Variants in CDH13 observed in about 807,000 individuals in gnomAD.
The protein encoded by CDH13 is cadherin 13, also known as cadherin-13.
Under a neutral mutation model 63.8 loss-of-function variants are expected in CDH13, and 24 were observed. The observed-to-expected ratio is 0.38, with a 90% confidence interval of 0.27 to 0.53. The LOEUF is 0.53. CDH13 is among the 20% of genes least tolerant of loss of function. The probability of loss-of-function intolerance (pLI) is 0.85; values close to 1 mark genes in which losing one functional copy is unlikely to be tolerated. For missense variants in CDH13, 1,049 were observed against 903.1 expected, an observed-to-expected ratio of 1.16 and a Z score of -2.07; for synonymous variants, 503 against 355.3, an observed-to-expected ratio of 1.42 and a Z score of -4.67.
chr16:82,957,456 G>C (rs1053925237), intron 2 of CDH13, among the ~76,000 whole-genome samples: 1 of 152,164 alleles, frequency 6.6e-6, no homozygotes, highest in East Asian at 1.9e-4. Flanking sequence ...GGAAGTTCAA[G>C]ATAGATAAAG....
At chr16:83,106,137 A>T (rs988320095) in intron 3 of CDH13, among the ~76,000 whole-genome samples, 1 of 152,250 alleles carries the variant, frequency 6.6e-6, no homozygotes, top group Non-Finnish European at 1.5e-5. Flanking sequence ...TTGCTAATCT[A>T]TTCTAAGGAA....
intron 3 of CDH13, among the ~76,000 whole-genome samples, chr16:83,074,262 A>G (rs777327630): frequency 1.3e-5 from 2 of 152,174 alleles, no homozygotes; most frequent in African/African-American, 2.4e-5. Flanking sequence ...TGTGTCTGGC[A>G]TATTTCATTT....
chr16:83,571,081 A>C (rs930203653), intron 7 of CDH13, among the ~76,000 whole-genome samples: 7 of 151,376 alleles, frequency 4.6e-5, no homozygotes, highest in Non-Finnish European at 7.4e-5. Context: ...AAGAAAGCCA[A>C]AACAGACCCC....
intron 10 of CDH13, among the ~76,000 whole-genome samples, chr16:83,713,309 C>A (rs1274532638): frequency 6.6e-6 from 1 of 152,206 alleles, no homozygotes; most frequent in African/African-American, 2.4e-5. Flanking sequence ...AGGGAGCTCA[C>A]CTCATCTTCT....
intron 4 of CDH13, among the ~76,000 whole-genome samples, chr16:83,152,934 A>T (rs2151697736): frequency 6.6e-6 from 1 of 152,302 alleles, no homozygotes; most frequent in South Asian, 2.1e-4. Flanking sequence ...TGAGCAGGAA[A>T]GCAGAGATTG....
rs1021074523 is a variant in CDH13 at position 83,795,172 on chromosome 16, A to G, written c.*142A>G. ...ATTGTTCCGGTTTTTTATTTTCTTT[A>G]CAATTTCACTTAGTCTGTACTTCAT... On this transcript the variant is annotated 3_prime_UTR_variant, in exon 14 of 14. Coordinates refer to ENST00000567109, the MANE Select transcript of CDH13 (RefSeq NM_001257.5). 9.1e-6 allele frequency: 6 copies of G among 656,924 alleles called. No homozygotes were observed. In the African/African-American group the frequency reaches 9.1e-5, roughly 10 times the overall value. The allele number at this position is 656,924 out of a possible 1,614,324, so 40.7% of individuals were successfully genotyped here. A position where few individuals can be genotyped will look rare whatever the true frequency, so the allele number is the denominator to read the frequency against.
intron 2 of CDH13, among the ~76,000 whole-genome samples, chr16:82,868,838 G>A (rs1416126193): frequency 6.6e-6 from 1 of 152,180 alleles, no homozygotes; most frequent in Non-Finnish European, 1.5e-5. Context: ...AGCAGACAGA[G>A]ATGCCACAGT....
chr16:83,050,380 A>T (rs1033795913), intron 3 of CDH13, among the ~76,000 whole-genome samples: 1 of 152,196 alleles, frequency 6.6e-6, no homozygotes, highest in African/African-American at 2.4e-5. Flanking sequence ...ACTGTCTTCT[A>T]CAGCAGCTGA....
intron 13 of CDH13, among the ~76,000 whole-genome samples, chr16:83,786,598 AT>A (rs1915899860): frequency 1.1e-5 from 1 of 90,614 alleles, no homozygotes; most frequent in African/African-American, 4.5e-5. Flanking sequence ...TTATTTATTT[AT>A]TTTTTTGAGA....
At chr16:82,902,045 A>G (rs546238659) in intron 2 of CDH13, among the ~76,000 whole-genome samples, 1 of 152,232 alleles carries the variant, frequency 6.6e-6, no homozygotes, top group Non-Finnish European at 1.5e-5. Flanking sequence ...CAAGACTCAA[A>G]CACAAGTCTG....
At chr16:82,809,952 T>C (rs2037359696) in intron 1 of CDH13, among the ~76,000 whole-genome samples, 1 of 152,182 alleles carries the variant, frequency 6.6e-6, no homozygotes, top group Non-Finnish European at 1.5e-5. Context: ...TAGACTTGCT[T>C]TTAAAACATG....
intron 3 of CDH13, among the ~76,000 whole-genome samples, chr16:83,106,336 G>A (rs779858994): frequency 2.6e-5 from 4 of 152,080 alleles, no homozygotes; most frequent in Non-Finnish European, 4.4e-5. Context: ...TCAGGAGTTC[G>A]AGACGAGCCT....
chr16:83,181,563 C>G (rs1474352317), intron 4 of CDH13, among the ~76,000 whole-genome samples: 3 of 152,144 alleles, frequency 2.0e-5, no homozygotes, highest in Non-Finnish European at 4.4e-5. Flanking sequence ...TGTACATGAG[C>G]TAGAATCTTA....
intron 6 of CDH13, among the ~76,000 whole-genome samples, chr16:83,391,041 G>C (rs1449689472): frequency 1.3e-5 from 2 of 152,106 alleles, no homozygotes; most frequent in Non-Finnish European, 2.9e-5. Context: ...AGTATCTACT[G>C]GTGGGTTGAA....
intron 1 of CDH13, among the ~76,000 whole-genome samples, chr16:82,738,073 C>A (rs1392442065): frequency 6.6e-6 from 1 of 152,216 alleles, no homozygotes; most frequent in Non-Finnish European, 1.5e-5. Flanking sequence ...ACCTCTAGAG[C>A]TTACTGATCT....
In CDH13 at chr16:83,528,472, A is replaced by G. The variant is rs540713269; in HGVS notation, c.960+41817A>G. Among the ~76,000 whole-genome samples the G allele has an allele frequency of 2.0e-4, 31 of 152,298 alleles. 1 individual carries two copies. The South Asian group carries it at 6.4e-3, about 32-fold the overall frequency. On this transcript the variant is annotated intron_variant, in intron 7 of 13. Coordinates refer to ENST00000567109, the MANE Select transcript of CDH13 (RefSeq NM_001257.5). ...GGTGTATAGTGAAACATCAACTCCC[A>G]TGAGGCTCATTCTCAGGGGTTGAGA...
At chr16:83,443,941 A>AG (rs2072580833) in intron 6 of CDH13, among the ~76,000 whole-genome samples, 1 of 149,918 alleles carries the variant, frequency 6.7e-6, no homozygotes, top group African/African-American at 2.4e-5. Context: ...CTAAAAAAAA[A>AG]AAAAAATCAA....
intron 6 of CDH13, among the ~76,000 whole-genome samples, chr16:83,354,401 G>A (rs546032670): frequency 2.6e-5 from 4 of 152,148 alleles, no homozygotes; most frequent in South Asian, 2.1e-4. Flanking sequence ...AGTATTTATC[G>A]GGCAGTTTCT....
intron 2 of CDH13, among the ~76,000 whole-genome samples, chr16:82,885,571 C>G (rs2040860520): frequency 6.6e-6 from 1 of 152,052 alleles, no homozygotes; most frequent in East Asian, 1.9e-4. Context: ...ACTTATCCTG[C>G]CTTGCATCCT....
Sources: allele counts gnomAD v4.1 joint callset (sites outside exome capture counted in the v4.1 genomes callset), GRCh38; gene constraint gnomAD v4.1.1; transcripts MANE v1.5; gene names NCBI Gene and HGNC (gene_info 2026-07-23, HGNC 2026-07-21).